The following SH3KBP1 variants were observed in gnomAD, a reference collection of about 807,000 sequenced individuals.
SH3KBP1 encodes SH3 domain containing kinase binding protein 1.
SH3KBP1 carries 8 observed loss-of-function variants against 50.1 expected under a neutral mutation model. That is an observed-to-expected ratio of 0.16 (90% CI 0.09 to 0.29). The LOEUF (loss-of-function observed/expected upper bound fraction) is 0.29, where lower values mean the gene tolerates loss of function less well. Ranked by LOEUF, SH3KBP1 falls within the 10% of genes least tolerant of loss-of-function variation. The pLI, the probability that SH3KBP1 is intolerant of heterozygous loss-of-function variation, is 1.00. For synonymous variants in SH3KBP1, 227 were observed against 218.6 expected, an observed-to-expected ratio of 1.04 and a Z score of -0.34; for missense variants, 377 against 535.2, an observed-to-expected ratio of 0.70 and a Z score of 2.92.
At chrX:19,848,746 A>G (rs1171203333) in intron 1 of SH3KBP1, among the ~76,000 whole-genome samples, 1 of 110,578 alleles carries the variant, frequency 9.0e-6, no homozygotes, top group Non-Finnish European at 1.9e-5. Context: ...GAACCTGAGC[A>G]ATGGTCACTA....
At chrX:19,786,458 A>G (rs1242877181) in intron 2 of SH3KBP1, among the ~76,000 whole-genome samples, 1 of 112,173 alleles carries the variant, frequency 8.9e-6, no homozygotes, top group Non-Finnish European at 1.9e-5. Flanking sequence ...AAGCTGGTCA[A>G]GGGAATTTCA....
At chrX:19,588,555 C>T in intron 12 of SH3KBP1, 88 bp downstream of exon 12, 1 of 1,210,996 alleles carries the variant, frequency 8.3e-7, no homozygotes, top group Non-Finnish European at 1.1e-6. Flanking sequence ...CTCTCCCTTC[C>T]TCCCAAGGTC....
chrX:19,713,194 A>G (rs1243916366), intron 3 of SH3KBP1, among the ~76,000 whole-genome samples: 8 of 111,281 alleles, frequency 7.2e-5, no homozygotes. Flanking sequence ...TCCAATCTGG[A>G]TAACAGAGCG....
intron 2 of SH3KBP1, among the ~76,000 whole-genome samples, chrX:19,818,901 T>G (rs1274865161): frequency 7.1e-5 from 8 of 111,965 alleles, no homozygotes; most frequent in Non-Finnish European, 3.8e-5. Flanking sequence ...TATCTGGTTT[T>G]GGTATTAAGG....
rs1431892126 is a variant in SH3KBP1 at position 19,741,697 on chromosome X, G to T, written c.286+4621C>A. On this transcript the variant is annotated intron_variant, in intron 3 of 17. Coordinates refer to ENST00000397821, the MANE Select transcript of SH3KBP1 (RefSeq NM_031892.3). ...CCACCTTGCCATCAAAATGATATAAGAAACGTGCAGCACTTTCTCAACGTT... is the reference window on the plus strand; with the variant it reads ...CCACCTTGCCATCAAAATGATATAATAAACGTGCAGCACTTTCTCAACGTT... 3.3e-4 allele frequency among the ~76,000 whole-genome samples: 37 copies of T among 111,882 alleles called. 1 individual carries two copies.
rs1267752577 is a variant in SH3KBP1, at chrX:19,735,730, G to C, written c.286+10588C>G. On this transcript the variant is annotated intron_variant, in intron 3 of 17. Coordinates refer to ENST00000397821, the MANE Select transcript of SH3KBP1 (RefSeq NM_031892.3). ...TGAGACTCCTTTTTTTTGGCGGGGGGGGGGGGTGGGGGGGACGGATTCTTG... is the reference window on the plus strand; with the variant it reads ...TGAGACTCCTTTTTTTTGGCGGGGGCGGGGGGTGGGGGGGACGGATTCTTG... 6.8e-5 allele frequency among the ~76,000 whole-genome samples: 5 copies of C among 73,067 alleles called. 1 individual carries two copies. In the East Asian group the frequency reaches 2.3e-3, roughly 33 times the overall value. 63.4% of individuals were successfully genotyped at this position (73,067 alleles called of 115,157 possible).
At chrX:19,718,371 A>G (rs777906836) in intron 3 of SH3KBP1, among the ~76,000 whole-genome samples, 1 of 111,920 alleles carries the variant, frequency 8.9e-6, no homozygotes, top group Non-Finnish European at 1.9e-5. Flanking sequence ...AAAGATACAA[A>G]TGAATGAGAG....
chrX:19,669,241 C>T (rs1045599968), intron 6 of SH3KBP1, among the ~76,000 whole-genome samples: 59 of 104,728 alleles, frequency 5.6e-4, no homozygotes, highest in Non-Finnish European at 2.3e-4. Context: ...GCTGGGATTA[C>T]AAGCATTAGC....
chrX:19,541,912 C>T lies in SH3KBP1; in HGVS notation c.1892+13G>A, dbSNP rs770127851. Reference sequence around the variant, plus strand: ...ACCTGGGTGACGGCCCCCAAGAGTCCCCAGGCACTCACTTCTGCTGGTCCT... The same window carrying T: ...ACCTGGGTGACGGCCCCCAAGAGTCTCCAGGCACTCACTTCTGCTGGTCCT... On this transcript the variant is annotated intron_variant, in intron 16 of 17. Coordinates refer to ENST00000397821, the MANE Select transcript of SH3KBP1 (RefSeq NM_031892.3). The T allele has an allele frequency of 6.6e-5, 79 of 1,197,785 alleles. No individual in the cohort carries two copies. The highest frequency in any genetic ancestry group is 8.7e-5 in the Non-Finnish European group (77 of 888,058).
At chrX:19,838,073 A>T in intron 1 of SH3KBP1, among the ~76,000 whole-genome samples, 1 of 106,508 alleles carries the variant, frequency 9.4e-6, no homozygotes, top group African/African-American at 3.9e-5. Context: ...AACAACAACA[A>T]CAACAACAAC....
intron 5 of SH3KBP1, among the ~76,000 whole-genome samples, chrX:19,694,821 G>A (rs192294898): frequency 2.1e-4 from 23 of 111,781 alleles, no homozygotes; most frequent in Non-Finnish European, 4.0e-4. Flanking sequence ...ATTTGGGCAG[G>A]ACTAAGCTGC....
At chrX:19,848,651 C>T (rs1244251761) in intron 1 of SH3KBP1, among the ~76,000 whole-genome samples, 2 of 112,164 alleles carry the variant, frequency 1.8e-5, no homozygotes, top group South Asian at 3.6e-4. Context: ...AGAAATTTCT[C>T]TGTATAGGAA....
intron 7 of SH3KBP1, among the ~76,000 whole-genome samples, chrX:19,635,568 G>A (rs932269566): frequency 3.7e-5 from 4 of 109,059 alleles, no homozygotes; most frequent in East Asian, 5.6e-4. Context: ...AAAATACTAC[G>A]TTGCATTGGA....
At chrX:19,705,287 T>C (rs1294216755) in intron 4 of SH3KBP1, among the ~76,000 whole-genome samples, 1 of 112,358 alleles carries the variant, frequency 8.9e-6, no homozygotes, top group African/African-American at 3.2e-5. Context: ...ACTTCTGTCA[T>C]AATTTATTGC....
At chrX:19,669,325 A>AATAATAATAATTATT (rs780980302) in intron 6 of SH3KBP1, among the ~76,000 whole-genome samples, 18 of 102,553 alleles carry the variant, frequency 1.8e-4, no homozygotes, top group African/African-American at 5.8e-4. Flanking sequence ...TAATAATAAT[A>AATAATAATAATTATT]ATTATTATTA....
At position 19,545,958 on chromosome X, in the gene SH3KBP1, C is replaced by T. The variant is rs780543570; in HGVS notation, c.1587G>A (p.Ala529=). The T allele has an allele frequency of 2.1e-5, 26 of 1,210,937 alleles. No homozygotes were observed. The highest frequency in any genetic ancestry group is 2.3e-4 in the Middle Eastern group (1 of 4,352). ...TAACAGTCTTGGAAGTTTTCTTTGACGCGTCCACTCCTCTGTGCGCAAGTG... is the reference window on the plus strand; with the variant it reads ...TAACAGTCTTGGAAGTTTTCTTTGATGCGTCCACTCCTCTGTGCGCAAGTG... ...HISLAHRGVD[A]SKKTSKTVTI... is the part of the protein sequence containing the mutation. Residue 529 remains alanine (A), a synonymous_variant, in exon 15 of 18, where the codon GCG becomes GCA. Transcript: ENST00000397821.
intron 2 of SH3KBP1, among the ~76,000 whole-genome samples, chrX:19,750,217 C>T (rs1029265586): frequency 8.9e-6 from 1 of 111,736 alleles, no homozygotes. Context: ...TGCCACCTCA[C>T]CCGGCTAATT....
At chrX:19,629,606 C>G (rs2061531717) in intron 8 of SH3KBP1, among the ~76,000 whole-genome samples, 1 of 111,308 alleles carries the variant, frequency 9.0e-6, no homozygotes, top group African/African-American at 3.3e-5. Flanking sequence ...CTGTGCTTAG[C>G]TCTGCAGGGC....
rs186314590 is a variant in SH3KBP1 at position 19,676,931 on chromosome X, G to A, written c.726+6892C>T. Among the ~76,000 whole-genome samples, 33 of 112,378 alleles carry A rather than the reference G, an allele frequency of 2.9e-4. No individual in the cohort carries two copies. In the East Asian group the frequency reaches 8.4e-3, roughly 29 times the overall value. On this transcript the variant is annotated intron_variant, in intron 6 of 17. Coordinates refer to ENST00000397821, the MANE Select transcript of SH3KBP1 (RefSeq NM_031892.3). ...GAGAGAGATGTCAGAAGTCACTAAC[G>A]GAAATCAGCTAAGACAGGAAGACCA...
Sources: gnomAD v4.1 joint callset for allele counts (sites outside exome capture counted in the v4.1 genomes callset) on GRCh38, gnomAD v4.1.1 for gene constraint, MANE v1.5 for transcripts, NCBI Gene and HGNC (gene_info 2026-07-23, HGNC 2026-07-21) for gene names.